The following UBAC1 variants were observed in gnomAD, a reference collection of about 807,000 sequenced individuals.
UBAC1 encodes the protein ubiquitin-associated domain-containing protein 1.
In UBAC1, 27 loss-of-function variants were observed where a neutral mutation model predicts 45.9. The ratio of observed to expected loss-of-function variants is 0.59; its 90% CI spans 0.43 to 0.81. The LOEUF (loss-of-function observed/expected upper bound fraction) is 0.81. UBAC1 is among the 30% of genes least tolerant of loss of function. The pLI is 0.00. For missense variants in UBAC1, 529 were observed against 539.2 expected (o/e 0.98, Z 0.19); for synonymous variants, 227 against 215.5 (o/e 1.05, Z -0.47).
At chr9:135,941,587 C>A (rs891800808) in intron 7 of UBAC1, among the ~76,000 whole-genome samples, 1 of 152,232 alleles carries the variant, frequency 6.6e-6, no homozygotes, top group African/African-American at 2.4e-5. Context: ...GCCCTCCTCA[C>A]TAGCTTCAAT....
At position 135,946,005 on chromosome 9, in the gene UBAC1, G is replaced by A. The variant is rs1160972984; in HGVS notation, c.545-8C>T. On this transcript the variant is annotated splice_polypyrimidine_tract_variant and splice_region_variant and intron_variant, in intron 5 of 9. Transcript: ENST00000371756. ...CGTCCTCGTCCAGCATTGCTGCAGG[G>A]AGACGACAGGGCCATGAGGGCTCCA... 2 of 1,612,442 alleles carry A rather than the reference G, an allele frequency of 1.2e-6. No individual in the cohort carries two copies. Among genetic ancestry groups the A allele is most frequent in the South Asian group, 2.2e-5 (2 of 91,074 alleles).
chr9:135,947,712 G>A (rs1220179014), intron 4 of UBAC1, 86 bp downstream of exon 4: 3 of 1,106,540 alleles, frequency 2.7e-6, no homozygotes, highest in African/African-American at 3.2e-5. Flanking sequence ...ATCTCCTCTT[G>A]CTGCCCCGCC....
chr9:135,955,236 C>T lies in UBAC1; in HGVS notation c.259+59G>A, dbSNP rs1243442815. ...TGGGTGGACCACCCCCTCCTGGCTC[C>T]AGCGCCCCCAGCAGTGCACGATGCC... On this transcript the variant is annotated intron_variant, in intron 2 of 9. Coordinates refer to ENST00000371756, the MANE Select transcript of UBAC1 (RefSeq NM_016172.3). The T allele has an allele frequency of 2.8e-6, 4 of 1,441,410 alleles. No individual in the cohort carries two copies. In the East Asian group the frequency reaches 7.5e-5, roughly 27 times the overall value. The allele number at this position is 1,441,410 out of a possible 1,614,324, so 89.3% of individuals were successfully genotyped here. A position where few individuals can be genotyped will look rare whatever the true frequency, so the allele number is the denominator to read the frequency against.
chr9:135,959,229 C>G (rs12380331), intron 1 of UBAC1, among the ~76,000 whole-genome samples: 33,067 of 152,146 alleles, frequency 0.22, 4,231 homozygotes, highest in Non-Finnish European at 0.3. Context: ...TTTGTCTATT[C>G]CATTAACCCA....
intron 7 of UBAC1, among the ~76,000 whole-genome samples, chr9:135,941,162 T>G (rs372118064): frequency 6.6e-6 from 1 of 152,144 alleles, no homozygotes; most frequent in Non-Finnish European, 1.5e-5. Flanking sequence ...TCCCAGCACT[T>G]TGGGAGGCCG....
intron 7 of UBAC1, among the ~76,000 whole-genome samples, chr9:135,941,875 A>T (rs1202542347): frequency 6.6e-6 from 1 of 152,256 alleles, no homozygotes; most frequent in African/African-American, 2.4e-5. Context: ...TTTCTCAGTA[A>T]CAAAGCTAGT....
At chr9:135,945,553 T>C in intron 6 of UBAC1, 1 of 498,882 alleles carries the variant, frequency 2.0e-6, no homozygotes, top group Non-Finnish European at 3.5e-6. Flanking sequence ...TGCCCCTGGA[T>C]CTCGGATTAT....
chr9:135,956,659 G>A (rs1839470204), intron 1 of UBAC1, among the ~76,000 whole-genome samples: 1 of 152,118 alleles, frequency 6.6e-6, no homozygotes, highest in African/African-American at 2.4e-5. Context: ...ACCAAATATG[G>A]CGCCTCCCCA....
chr9:135,956,298 G>A (rs1045180509), intron 1 of UBAC1, among the ~76,000 whole-genome samples: 2 of 152,264 alleles, frequency 1.3e-5, no homozygotes, highest in Non-Finnish European at 2.9e-5. Flanking sequence ...ACTGCTGGCA[G>A]GGGTAGATCC....
chr9:135,961,220 A>T lies in UBAC1; in HGVS notation c.-58T>A. On this transcript the variant is annotated 5_prime_UTR_variant, in exon 1 of 10. Coordinates refer to ENST00000371756, the MANE Select transcript of UBAC1 (RefSeq NM_016172.3). ...CCCGGGCCCCTGAAGGTCACCGGGAAGGCGGGCGGGGAGGGGGCGGGGCCA... is the reference window on the plus strand; with the variant it reads ...CCCGGGCCCCTGAAGGTCACCGGGATGGCGGGCGGGGAGGGGGCGGGGCCA... The T allele has an allele frequency of 2.1e-6, 3 of 1,420,218 alleles. No individual in the cohort carries two copies. In the South Asian group the frequency reaches 4.1e-5, roughly 19 times the overall value. 88.0% of individuals were successfully genotyped at this position (1,420,218 alleles called of 1,614,324 possible). A position where few individuals can be genotyped will look rare whatever the true frequency, so the allele number is the denominator to read the frequency against.
intron 2 of UBAC1, 91 bp downstream of exon 2, chr9:135,955,204 A>ACTCCTGTGGGTGGACCACCCC: frequency 7.6e-7 from 1 of 1,321,408 alleles, no homozygotes; most frequent in Non-Finnish European, 9.9e-7. Context: ...CAGAACACTG[A>ACTCCTGTGGGTGGACCACCCC]CTCCTGTGGG....
chr9:135,945,908 T>C lies in UBAC1; in HGVS notation c.634A>G (p.Lys212Glu), dbSNP rs575942535. Residue 212 changes from lysine (K) to glutamate (E), a missense_variant, in exon 6 of 10, where the codon AAG (lysine) becomes GAG (glutamate). Lys to Glu is a moderately conservative substitution (Grantham distance 56, BLOSUM62 1). Transcript: ENST00000371756. The stretch of plus-strand genomic sequence containing the variant: ...ACGCACTGGTTCAGCTGAAGGGCCT[T>C]GGTGGCTCTGTTCTCCGGAAAGCCC... ...EMGFPENRAT[K>E]ALQLNHMSVP... 3.1e-6 allele frequency: 5 copies of C among 1,613,956 alleles called. No individual in the cohort carries two copies. Among genetic ancestry groups the C allele is most frequent in the South Asian group, 2.2e-5 (2 of 91,074 alleles).
In UBAC1 at chr9:135,933,428, C is replaced by G; in HGVS notation, c.1190G>C (p.Arg397Thr). Residue 397 changes from arginine (R) to threonine (T), a missense_variant, in exon 10 of 10, where the codon AGA (arginine) becomes ACA (threonine). By Grantham distance (71) the Arg-to-Thr change is moderately conservative (BLOSUM62 -1). Coordinates refer to ENST00000371756, the MANE Select transcript of UBAC1 (RefSeq NM_016172.3). ...ETGPVMLQIS[R>T]IFQTLNRT ...CGTGCGATTTAGTGTCTGGAAGATT[C>G]TAGAGATCTGCAGCATGACAGGCCC... is the stretch of plus-strand genomic sequence containing the variant. The G allele has an allele frequency of 1.9e-6, 3 of 1,614,158 alleles. No homozygotes were observed. Among genetic ancestry groups the G allele is most frequent in the Non-Finnish European group, 2.5e-6 (3 of 1,180,020 alleles).
Position 135,947,670 on chromosome 9 carries a change from C to A in UBAC1, c.441+128G>T, listed in dbSNP as rs904611544. On this transcript the variant is annotated intron_variant, in intron 4 of 9. Transcript: ENST00000371756. Reference sequence around the variant, plus strand: ...GCAAAATAGTGCAGTCCTACAGACCCGCTCACCGGCTTCCCCAAATCCTCC... The same window carrying A: ...GCAAAATAGTGCAGTCCTACAGACCAGCTCACCGGCTTCCCCAAATCCTCC... 8 of 696,438 alleles carry A rather than the reference C, an allele frequency of 1.1e-5. No individual in the cohort carries two copies. The African/African-American group carries it at 1.3e-4, about 11-fold the overall frequency. The allele number at this position is 696,438 out of a possible 1,614,324, so 43.1% of individuals were successfully genotyped here. A position where few individuals can be genotyped will look rare whatever the true frequency, so the allele number is the denominator to read the frequency against.
intron 3 of UBAC1, among the ~76,000 whole-genome samples, chr9:135,949,499 G>A (rs1005444283): frequency 4.6e-5 from 7 of 152,218 alleles, no homozygotes; most frequent in African/African-American, 7.2e-5. Context: ...GATGGCAGAA[G>A]GTTCTACAAG....
chr9:135,959,080 A>G (rs1839501454), intron 1 of UBAC1, among the ~76,000 whole-genome samples: 1 of 152,260 alleles, frequency 6.6e-6, no homozygotes, highest in South Asian at 2.1e-4. Context: ...TCTGTGGATC[A>G]AACAGCTCTC....
rs1839534496 is a variant in UBAC1, at chr9:135,961,288, G to C, written c.-126C>G. 2 of 832,168 alleles carry C rather than the reference G, an allele frequency of 2.4e-6. No homozygotes were observed. The highest frequency in any genetic ancestry group is 1.1e-4 in the Admixed American group (2 of 18,076). The allele number at this position is 832,168 out of a possible 1,614,324, so 51.5% of individuals were successfully genotyped here. A position where few individuals can be genotyped will look rare whatever the true frequency, so the allele number is the denominator to read the frequency against. ...TTCGCTGGGCCGCCGCCCCGCCCCG[G>C]CTCCCGTCGGCCGGGCCGCCGTCAC... On this transcript the variant is annotated 5_prime_UTR_variant, in exon 1 of 10. Transcript: ENST00000371756.
intron 3 of UBAC1, among the ~76,000 whole-genome samples, chr9:135,952,910 G>A (rs1249481527): frequency 2.6e-5 from 4 of 152,244 alleles, no homozygotes; most frequent in Non-Finnish European, 4.4e-5. Context: ...TGCGGTGTGA[G>A]GTGGGGCTTG....
At chr9:135,946,203 GC>G in intron 5 of UBAC1, 65 bp downstream of exon 5, 1 of 1,214,368 alleles carries the variant, frequency 8.2e-7, no homozygotes, top group South Asian at 1.2e-5. Flanking sequence ...AGTGCGTGGA[GC>G]TGCAGACGCT....
Sources: allele counts gnomAD v4.1 joint callset (sites outside exome capture counted in the v4.1 genomes callset), GRCh38; gene constraint gnomAD v4.1.1; transcripts MANE v1.5; gene names NCBI Gene and HGNC (gene_info 2026-07-23, HGNC 2026-07-21).